The following LAMA3 variants were observed in gnomAD, a reference collection of about 807,000 sequenced individuals.
LAMA3 encodes laminin subunit alpha 3.
A neutral mutation model predicts 402.0 loss-of-function variants in LAMA3; 281 were observed. The observed-to-expected ratio is 0.70, with a 90% CI of 0.63 to 0.77. The LOEUF is 0.77. LAMA3 is among the 30% of genes least tolerant of loss of function. The probability of loss-of-function intolerance (pLI) is 0.00; values close to 1 mark genes in which losing one functional copy is unlikely to be tolerated. For synonymous variants in LAMA3, 1,431 were observed against 1,558.4 expected, an observed-to-expected ratio of 0.92 and a Z score of 1.93; for missense variants, 3,840 against 4,215.5, an observed-to-expected ratio of 0.91 and a Z score of 2.47.
intron 17 of LAMA3, 47 bp downstream of exon 17, chr18:23,815,620 A>G: frequency 8.2e-7 from 1 of 1,217,230 alleles, no homozygotes; most frequent in South Asian, 1.2e-5. Context: ...GTTGATGGAC[A>G]AAGATGGTCT....
At chr18:23,888,033 G>C (rs116667014) in intron 41 of LAMA3, among the ~76,000 whole-genome samples, 338 of 152,344 alleles carry the variant, frequency 2.2e-3, no homozygotes, top group African/African-American at 8.0e-3. Flanking sequence ...AAGGTACTTT[G>C]TAATTATGCA....
chr18:23,833,405 A>T (rs1467656515), intron 23 of LAMA3, among the ~76,000 whole-genome samples: 4 of 151,598 alleles, frequency 2.6e-5, no homozygotes, highest in African/African-American at 9.7e-5. Context: ...AAAAAAAAAC[A>T]ATTAAAGAGC....
At chr18:23,874,266 C>T (rs964894185) in intron 38 of LAMA3, among the ~76,000 whole-genome samples, 5 of 152,192 alleles carry the variant, frequency 3.3e-5, no homozygotes, top group Non-Finnish European at 7.3e-5. Flanking sequence ...GTGATATACA[C>T]TGATAATTAT....
At chr18:23,807,324 A>T (rs2144249196) in intron 12 of LAMA3, among the ~76,000 whole-genome samples, 1 of 152,320 alleles carries the variant, frequency 6.6e-6, no homozygotes, top group Non-Finnish European at 1.5e-5. Flanking sequence ...TTATGAATTT[A>T]AAAAATTCTG....
intron 23 of LAMA3, among the ~76,000 whole-genome samples, chr18:23,829,494 G>C (rs1053665087): frequency 6.6e-6 from 1 of 152,162 alleles, no homozygotes; most frequent in Non-Finnish European, 1.5e-5. Context: ...GCATTACAGT[G>C]TGCCTTCTCT....
At position 23,904,653 on chromosome 18, in the gene LAMA3, G is replaced by A. The variant is rs202152742; in HGVS notation, c.6574G>A (p.Ala2192Thr). Residue 2192 changes from alanine to threonine, a missense_variant, in exon 51 of 75, where the codon GCA becomes ACA. Physicochemically the swap from Ala to Thr is moderately conservative, Grantham distance 58. Around this residue, in one of 3 missense-constraint regions of LAMA3, gnomAD observed 891 missense variants for 857.5 expected, o/e 1.04. Transcript: ENST00000313654. ...CAATGCCATCAAAGCGGCCGAGGAC[G>A]CAGCCAACAGGGCTGCCAGTGCATC... The part of the protein sequence containing the change: ...ILNAIKAAED[A>T]ANRAASASES... 3.8e-5 allele frequency: 62 copies of A among 1,613,978 alleles called. No homozygotes were observed. The highest frequency in any genetic ancestry group is 4.4e-5 in the South Asian group (4 of 91,058).
chr18:23,915,158 G>T (rs2081569642), intron 58 of LAMA3, 131 bp from the exon 59 acceptor site: 11 of 1,049,380 alleles, frequency 1.0e-5, no homozygotes, highest in Non-Finnish European at 1.6e-5. Flanking sequence ...GCAAAGCCAG[G>T]GCATCTTGTT....
At position 23,951,774 on chromosome 18, in the gene LAMA3, G is replaced by A. The variant is rs2082923637; in HGVS notation, c.9733G>A (p.Ala3245Thr). 6.2e-7 allele frequency: 1 copy of A among 1,611,838 alleles called. No homozygotes were observed. Among genetic ancestry groups the A allele is most frequent in the African/African-American group, 1.3e-5 (1 of 74,992 alleles). ...SLCDGQWHSV[A>T]VTIKQHILHL... is the part of the protein sequence containing the mutation. ...GTGTGATGGACAGTGGCACTCGGTG[G>A]CAGGTATGTTGTCCAGTAGCTGATT... The change falls in exon 73 of 75, where the codon GCA becomes ACA. Residue 3245 changes from alanine (A) to threonine (T), a missense_variant. This residue lies in a region of LAMA3 where 840 missense variants were observed against 981.9 expected (regional missense o/e 0.86). Coordinates refer to ENST00000313654, the MANE Select transcript of LAMA3 (RefSeq NM_198129.4).
chr18:23,947,980 T>A (rs773938818), intron 70 of LAMA3, among the ~76,000 whole-genome samples: 2 of 151,866 alleles, frequency 1.3e-5, no homozygotes, highest in Non-Finnish European at 2.9e-5. Flanking sequence ...CCTGGCTAAT[T>A]TTTTGTATTT....
In LAMA3 at chr18:23,910,875, G is replaced by A. The variant is rs563173678; in HGVS notation, c.7158+1580G>A. ...AAAAATATTTAAAACATGAAAAATA[G>A]GACTAATTACAGTTTACAGATAAAT... On this transcript the variant is annotated intron_variant, in intron 55 of 74. Coordinates refer to ENST00000313654, the MANE Select transcript of LAMA3 (RefSeq NM_198129.4). Among the ~76,000 whole-genome samples the A allele has an allele frequency of 2.2e-4, 34 of 152,178 alleles. No homozygotes were observed. The South Asian group carries it at 5.8e-3, about 26-fold the overall frequency.
intron 11 of LAMA3, among the ~76,000 whole-genome samples, chr18:23,783,400 T>G (rs2062475788): frequency 6.6e-6 from 1 of 152,196 alleles, no homozygotes; most frequent in South Asian, 2.1e-4. Flanking sequence ...GGGGACCTTC[T>G]GAGGAGCTGA....
chr18:23,743,020 T>C (rs1194651484), intron 2 of LAMA3, among the ~76,000 whole-genome samples: 2 of 152,160 alleles, frequency 1.3e-5, no homozygotes, highest in Non-Finnish European at 2.9e-5. Context: ...TAATTTCAAT[T>C]CAACAACATG....
chr18:23,698,622 G>A (rs901062278), intron 1 of LAMA3, among the ~76,000 whole-genome samples: 5 of 152,240 alleles, frequency 3.3e-5, no homozygotes, highest in African/African-American at 9.6e-5. Context: ...GCTCAACAGA[G>A]GCTGGAAGAC....
intron 2 of LAMA3, among the ~76,000 whole-genome samples, chr18:23,735,529 T>A (rs578251468): frequency 1.3e-5 from 2 of 152,172 alleles, no homozygotes; most frequent in African/African-American, 4.8e-5. Context: ...CCTGATCCCT[T>A]CTCCTTCATA....
At chr18:23,864,635 C>T (rs1454351914) in intron 35 of LAMA3, 150 bp from the exon 36 acceptor site, 6 of 675,598 alleles carry the variant, frequency 8.9e-6, no homozygotes, top group Non-Finnish European at 1.6e-5. Context: ...AAAATACCAT[C>T]CTCAACCCCA....
Position 23,932,160 on chromosome 18 carries a change from A to T in LAMA3, c.8577A>T (p.Gly2859=), listed in dbSNP as rs140184530. The T allele has an allele frequency of 3.0e-4, 488 of 1,613,986 alleles. 4 individuals are homozygous for T. In the African/African-American group the frequency reaches 5.8e-3, roughly 19 times the overall value. The part of the protein sequence containing the change: ...HYVSVISDNS[G]LRLLIDDQLL... ...ATGATTTGCTTTTCTTCCCTTTCAG[A>T]CTACGGCTTCTCATCGATGACCAGC... The change falls in exon 66 of 75, where the codon GGA becomes GGT. Residue 2859 remains glycine (G), a splice_region_variant and synonymous_variant. Coordinates refer to ENST00000313654, the MANE Select transcript of LAMA3 (RefSeq NM_198129.4).
At chr18:23,836,406 G>C (rs185140838) in intron 24 of LAMA3, among the ~76,000 whole-genome samples, 328 of 152,234 alleles carry the variant, frequency 2.2e-3, no homozygotes, top group Non-Finnish European at 3.6e-3. Context: ...GGGTTTTAAC[G>C]TTAGAGTTAT....
Position 23,932,168 on chromosome 18 carries a change from T to C in LAMA3, c.8585T>C (p.Leu2862Pro). 6.2e-7 allele frequency: 1 copy of C among 1,614,074 alleles called. No homozygotes were observed. The highest frequency in any genetic ancestry group is 2.2e-5 in the East Asian group (1 of 44,886). ...CTTTTCTTCCCTTTCAGACTACGGC[T>C]TCTCATCGATGACCAGCTTCTGAGA... ...SVISDNSGLRLLIDDQLLRNS... is the reference protein window; with the variant it reads ...SVISDNSGLRPLIDDQLLRNS... The change falls in exon 66 of 75, where the codon CTT becomes CCT. Residue 2862 changes from leucine (L) to proline (P), a missense_variant. Leu to Pro is a moderately conservative substitution (Grantham distance 98). Transcript: ENST00000313654.
At chr18:23,700,603 A>C (rs2060773970) in intron 1 of LAMA3, among the ~76,000 whole-genome samples, 1 of 152,210 alleles carries the variant, frequency 6.6e-6, no homozygotes, top group Non-Finnish European at 1.5e-5. Flanking sequence ...CATCTGTAAA[A>C]TGGGGACACC....
Sources: gnomAD v4.1 joint callset for allele counts (sites outside exome capture counted in the v4.1 genomes callset) on GRCh38, gnomAD v4.1.1 for gene constraint, gnomAD v4.1.1 regional missense constraint, MANE v1.5 for transcripts, NCBI Gene and HGNC (gene_info 2026-07-23, HGNC 2026-07-21) for gene names.